MYRIP: variants seen among roughly 807,000 people sequenced by gnomAD.
The protein encoded by MYRIP is rab effector MyRIP.
In MYRIP, 49 loss-of-function variants were observed where a neutral mutation model predicts 98.0. That is an observed-to-expected ratio of 0.50 (90% CI 0.40 to 0.63). The LOEUF (loss-of-function observed/expected upper bound fraction) is 0.63. Among genes scored for constraint, MYRIP ranks in the 30% least tolerant of loss-of-function variants. MYRIP has a pLI of 0.00. For missense variants in MYRIP, 1,004 were observed against 1,058.2 expected, an observed-to-expected ratio of 0.95 and a Z score of 0.71; for synonymous variants, 404 against 409.5, an observed-to-expected ratio of 0.99 and a Z score of 0.16.
chr3:40,155,550 C>A (rs1259618506), intron 4 of MYRIP, among the ~76,000 whole-genome samples: 1 of 151,896 alleles, frequency 6.6e-6, no homozygotes, highest in Non-Finnish European at 1.5e-5. Flanking sequence ...AGTTCTAGAT[C>A]CCTGAGGAAT....
chr3:39,847,299 A>G (rs1018153814), intron 1 of MYRIP, among the ~76,000 whole-genome samples: 2 of 152,204 alleles, frequency 1.3e-5, no homozygotes, highest in South Asian at 4.1e-4. Flanking sequence ...TGTGTATCCC[A>G]TAACTTTAAA....
chr3:39,860,133 C>T (rs1236767996), intron 1 of MYRIP, among the ~76,000 whole-genome samples: 1 of 152,200 alleles, frequency 6.6e-6, no homozygotes, highest in Non-Finnish European at 1.5e-5. Context: ...ATACACAAAA[C>T]TGTTAGAACT....
At chr3:40,155,800 G>A (rs1304709892) in intron 4 of MYRIP, among the ~76,000 whole-genome samples, 1 of 152,086 alleles carries the variant, frequency 6.6e-6, no homozygotes, top group Non-Finnish European at 1.5e-5. Flanking sequence ...CTTTTGAGAA[G>A]TGTCTGTTCA....
chr3:39,850,716 T>C (rs76107393), intron 1 of MYRIP, among the ~76,000 whole-genome samples: 1,532 of 152,328 alleles, frequency 0.01, 18 homozygotes, highest in African/African-American at 0.035. Context: ...CATGATCTTG[T>C]GTTCTCTAGT....
At chr3:40,109,436 G>A (rs1182047077) in intron 3 of MYRIP, among the ~76,000 whole-genome samples, 1 of 152,190 alleles carries the variant, frequency 6.6e-6, no homozygotes, top group Admixed American at 6.5e-5. Context: ...GGAATTTGGG[G>A]CAAAAGTCTG....
At chr3:40,155,441 G>C (rs1457863863) in intron 4 of MYRIP, among the ~76,000 whole-genome samples, 1 of 151,904 alleles carries the variant, frequency 6.6e-6, no homozygotes, top group African/African-American at 2.4e-5. Flanking sequence ...GAATAATGCC[G>C]CACTAAACAT....
At chr3:39,823,110 C>T (rs1296190187) in intron 1 of MYRIP, among the ~76,000 whole-genome samples, 1 of 150,560 alleles carries the variant, frequency 6.6e-6, no homozygotes, top group African/African-American at 2.5e-5. Context: ...ACCTCCGCCT[C>T]CTGGGTTCAA....
chr3:39,946,036 C>A (rs1314036853), intron 2 of MYRIP, among the ~76,000 whole-genome samples: 7 of 151,624 alleles, frequency 4.6e-5, no homozygotes, highest in Admixed American at 1.3e-4. Flanking sequence ...CTACATATTA[C>A]TTCTGAATAA....
intron 1 of MYRIP, among the ~76,000 whole-genome samples, chr3:39,881,427 T>G (rs1943152812): frequency 6.6e-6 from 1 of 152,178 alleles, no homozygotes. Flanking sequence ...AAATTACCAG[T>G]TAGTAATATC....
Position 40,043,017 on chromosome 3 carries a change from A to C in MYRIP, c.111-1033A>C, listed in dbSNP as rs72871440. 1.5e-3 allele frequency among the ~76,000 whole-genome samples: 231 copies of C among 152,336 alleles called. 2 individuals are homozygous for C. Among genetic ancestry groups the C allele is most frequent in the African/African-American group, 5.5e-3 (227 of 41,588 alleles). On this transcript the variant is annotated intron_variant, in intron 2 of 16. Transcript: ENST00000302541. ...GTGGCTCACTGCTGCTATGCTCAGCATCATGATAGAGTATTGTATCACTTT... is the reference window on the plus strand; with the variant it reads ...GTGGCTCACTGCTGCTATGCTCAGCCTCATGATAGAGTATTGTATCACTTT...
chr3:39,867,417 C>A (rs150283084), intron 1 of MYRIP, among the ~76,000 whole-genome samples: 1 of 152,024 alleles, frequency 6.6e-6, no homozygotes, highest in Non-Finnish European at 1.5e-5. Flanking sequence ...AAACTACATA[C>A]GTATCTAATA....
intron 13 of MYRIP, among the ~76,000 whole-genome samples, chr3:40,248,660 A>G (rs1204537205): frequency 6.6e-6 from 1 of 152,144 alleles, no homozygotes; most frequent in Non-Finnish European, 1.5e-5. Flanking sequence ...TGTCTTTCCC[A>G]GGGCCCTCTG....
chr3:40,002,120 A>G (rs1262383690), intron 2 of MYRIP, among the ~76,000 whole-genome samples: 1 of 152,182 alleles, frequency 6.6e-6, no homozygotes, highest in Non-Finnish European at 1.5e-5. Context: ...CAGGCATGCA[A>G]AAGGCCTTTG....
intron 4 of MYRIP, among the ~76,000 whole-genome samples, chr3:40,161,589 ACTT>A (rs1358366503): frequency 2.0e-5 from 3 of 152,066 alleles, no homozygotes; most frequent in Non-Finnish European, 1.5e-5. Flanking sequence ...TCTCAAGGTC[ACTT>A]CTTGCTTATT....
chr3:40,116,351 C>T (rs538550911), intron 3 of MYRIP, among the ~76,000 whole-genome samples: 18 of 152,192 alleles, frequency 1.2e-4, no homozygotes, highest in Non-Finnish European at 2.6e-4. Flanking sequence ...CCCCAACACA[C>T]ACACACCTAG....
chr3:40,058,627 AC>A (rs1415495478), intron 3 of MYRIP, among the ~76,000 whole-genome samples: 8 of 152,170 alleles, frequency 5.3e-5, no homozygotes, highest in Admixed American at 1.3e-4. Context: ...CAGATTATGA[AC>A]TAAAACATTA....
intron 2 of MYRIP, among the ~76,000 whole-genome samples, chr3:40,031,459 T>C (rs930667530): frequency 2.0e-5 from 3 of 152,170 alleles, no homozygotes; most frequent in Admixed American, 2.0e-4. Context: ...GCTGCAATGC[T>C]AATTTCTGAA....
intron 2 of MYRIP, among the ~76,000 whole-genome samples, chr3:39,966,706 G>A (rs1945451546): frequency 6.6e-6 from 1 of 152,224 alleles, no homozygotes; most frequent in African/African-American, 2.4e-5. Context: ...TGCCCTCATA[G>A]GTGCCGTGGC....
At chr3:40,255,605 G>C (rs187770795) in intron 16 of MYRIP, among the ~76,000 whole-genome samples, 263 of 152,274 alleles carry the variant, frequency 1.7e-3, no homozygotes, top group Non-Finnish European at 3.5e-3. Flanking sequence ...CAGATAAAAA[G>C]CATTGAGAGA....
Sources: gnomAD v4.1 joint callset for allele counts (sites outside exome capture counted in the v4.1 genomes callset) on GRCh38, gnomAD v4.1.1 for gene constraint, MANE v1.5 for transcripts, NCBI Gene and HGNC (gene_info 2026-07-23, HGNC 2026-07-21) for gene names.